The following ACYP2 variants were observed in gnomAD, a reference collection of about 807,000 sequenced individuals.
ACYP2 encodes acylphosphatase-2.
A neutral mutation model predicts 11.2 loss-of-function variants in ACYP2; 12 were observed. The observed-to-expected ratio is 1.08, with a 90% CI of 0.69 to 1.74. The LOEUF (loss-of-function observed/expected upper bound fraction) is 1.74. Ranked by LOEUF, ACYP2 falls within the 40% of genes most tolerant of loss-of-function variation. The pLI is 0.00. For synonymous variants in ACYP2, 43 were observed against 32.2 expected, an observed-to-expected ratio of 1.33 and a Z score of -1.13; for missense variants, 134 against 101.9, an observed-to-expected ratio of 1.31 and a Z score of -1.35.
At chr2:54,161,956 T>A (rs778302926) in intron 6 of ACYP2, among the ~76,000 whole-genome samples, 16 of 152,158 alleles carry the variant, frequency 1.1e-4, no homozygotes, top group Non-Finnish European at 1.6e-4. Flanking sequence ...GGGATTTTTT[T>A]AAAAACATTA....
intron 2 of ACYP2, among the ~76,000 whole-genome samples, chr2:53,994,378 G>A (rs1342862492): frequency 6.7e-6 from 1 of 149,774 alleles, no homozygotes; most frequent in Admixed American, 6.7e-5. Flanking sequence ...TATTAGCCAG[G>A]CATGGTGGCA....
chr2:54,139,056 C>T (rs1056927515), intron 6 of ACYP2, among the ~76,000 whole-genome samples: 1 of 152,184 alleles, frequency 6.6e-6, no homozygotes, highest in South Asian at 2.1e-4. Context: ...GTAGGCAGGC[C>T]TGTGAAGAAA....
chr2:54,006,178 A>T (rs1374710156), intron 2 of ACYP2, among the ~76,000 whole-genome samples: 2 of 151,592 alleles, frequency 1.3e-5, no homozygotes, highest in Non-Finnish European at 1.5e-5. Flanking sequence ...ACGAAGTCTC[A>T]CTCTTGTCCC....
chr2:54,169,077 C>T (rs750586810), intron 6 of ACYP2, among the ~76,000 whole-genome samples: 3 of 152,140 alleles, frequency 2.0e-5, no homozygotes, highest in Admixed American at 6.5e-5. Context: ...TAATTTTGAA[C>T]GCTATTCTTT....
At chr2:54,057,715 T>C (rs1026825600) in intron 4 of ACYP2, among the ~76,000 whole-genome samples, 1 of 152,150 alleles carries the variant, frequency 6.6e-6, no homozygotes, top group African/African-American at 2.4e-5. Flanking sequence ...TTAGCAAAAA[T>C]ATATATAATA....
intron 2 of ACYP2, among the ~76,000 whole-genome samples, chr2:54,030,218 A>G (rs1189376253): frequency 6.6e-6 from 1 of 152,162 alleles, no homozygotes; most frequent in Admixed American, 6.5e-5. Flanking sequence ...TTTCTATCTT[A>G]TCTCCTTTAC....
At chr2:54,003,540 G>A (rs531545940) in intron 2 of ACYP2, among the ~76,000 whole-genome samples, 29 of 152,168 alleles carry the variant, frequency 1.9e-4, no homozygotes, top group South Asian at 4.1e-4. Context: ...GATTACAGGC[G>A]TGAGCCACTG....
At chr2:54,170,859 A>G (rs1415287479) in intron 6 of ACYP2, among the ~76,000 whole-genome samples, 2 of 152,150 alleles carry the variant, frequency 1.3e-5, no homozygotes, top group African/African-American at 4.8e-5. Flanking sequence ...GTCTGTTAGC[A>G]TCCATCTGCA....
intron 4 of ACYP2, among the ~76,000 whole-genome samples, chr2:54,095,680 C>A (rs1678508962): frequency 1.5e-5 from 2 of 132,494 alleles, no homozygotes. Context: ...CCACCTCCCT[C>A]CTGGACGGGG....
At chr2:54,013,098 A>C (rs1673469027) in intron 2 of ACYP2, among the ~76,000 whole-genome samples, 1 of 152,022 alleles carries the variant, frequency 6.6e-6, no homozygotes, top group Non-Finnish European at 1.5e-5. Flanking sequence ...GGTTTTGCTC[A>C]AAATGTCACT....
intron 5 of ACYP2, 126 bp from the exon 3 acceptor site, chr2:54,138,513 C>A: frequency 4.7e-6 from 3 of 643,088 alleles, no homozygotes; most frequent in South Asian, 2.1e-5. Context: ...GTCATCTATA[C>A]AATTGTTGGC....
intron 4 of ACYP2, among the ~76,000 whole-genome samples, chr2:54,086,659 A>G (rs1363301711): frequency 1.3e-5 from 2 of 152,190 alleles, no homozygotes; most frequent in African/African-American, 4.8e-5. Flanking sequence ...GGAGTTTCCA[A>G]TGGGAAAGAC....
chr2:54,204,295 G>A (rs560401277), intron 6 of ACYP2, among the ~76,000 whole-genome samples: 26 of 119,440 alleles, frequency 2.2e-4, no homozygotes, highest in Admixed American at 1.1e-3. Flanking sequence ...GCCCGGCCAT[G>A]GGATTTTTTT....
intron 4 of ACYP2, among the ~76,000 whole-genome samples, chr2:54,090,491 C>T (rs1411732103): frequency 2.0e-5 from 3 of 152,034 alleles, no homozygotes; most frequent in Non-Finnish European, 4.4e-5. Context: ...ATTAGCTGGG[C>T]GGGGTGGCGT....
chr2:54,075,407 G>A lies in ACYP2; in HGVS notation c.277+18047G>A, dbSNP rs558693035. On this transcript the variant is annotated intron_variant, in intron 4 of 6. Transcript: ENST00000607452. Reference sequence around the variant, plus strand: ...CCAGCTACTTGGGAGGCTAAGGCATGAGAATTGCTTGAACCCAGGAAGTGG... The same window carrying A: ...CCAGCTACTTGGGAGGCTAAGGCATAAGAATTGCTTGAACCCAGGAAGTGG... Among the ~76,000 whole-genome samples, 68 of 151,994 alleles carry A rather than the reference G, an allele frequency of 4.5e-4. 2 individuals are homozygous for A. In the South Asian group the frequency reaches 0.013, roughly 30 times the overall value.
chr2:54,119,336 C>T (rs1384835145), intron 4 of ACYP2, among the ~76,000 whole-genome samples: 1 of 151,932 alleles, frequency 6.6e-6, no homozygotes, highest in Non-Finnish European at 1.5e-5. Flanking sequence ...GCCTTATAAG[C>T]ATGAGCCACT....
At chr2:54,301,472 T>C (rs1689723382) in intron 6 of ACYP2, among the ~76,000 whole-genome samples, 1 of 152,184 alleles carries the variant, frequency 6.6e-6, no homozygotes, top group Non-Finnish European at 1.5e-5. Context: ...TTCCAAACTC[T>C]TCTATTGGAA....
chr2:53,977,171 C>T (rs1671535252), intron 2 of ACYP2, among the ~76,000 whole-genome samples: 1 of 152,076 alleles, frequency 6.6e-6, no homozygotes, highest in East Asian at 1.9e-4. Context: ...CCTCAGTTTC[C>T]CGAGTAGCTG....
At chr2:53,980,964 G>A (rs371280758) in intron 2 of ACYP2, among the ~76,000 whole-genome samples, 10 of 151,918 alleles carry the variant, frequency 6.6e-5, no homozygotes, top group East Asian at 5.8e-4. Context: ...GTTGCCCAAC[G>A]TGGTCTCGAA....
Sources: allele counts gnomAD v4.1 joint callset (sites outside exome capture counted in the v4.1 genomes callset), GRCh38; gene constraint gnomAD v4.1.1; transcripts MANE v1.5; gene names NCBI Gene and HGNC (gene_info 2026-07-23, HGNC 2026-07-21).